GLIS3: variants seen among roughly 807,000 people sequenced by gnomAD.
The protein encoded by GLIS3 is zinc finger protein GLIS3.
Under a neutral mutation model 78.6 loss-of-function variants are expected in GLIS3, and 53 were observed. The observed-to-expected ratio is 0.67, with a 90% CI of 0.54 to 0.85. The LOEUF is 0.85. Ranked by LOEUF, GLIS3 falls within the 40% of genes least tolerant of loss-of-function variation. The pLI is 0.00. For missense variants in GLIS3, 1,703 were observed against 1,231.1 expected (o/e 1.38, Z -5.74); for synonymous variants, 684 against 509.9 (o/e 1.34, Z -4.60).
chr9:4,106,576 T>C (rs1197648103), intron 4 of GLIS3, among the ~76,000 whole-genome samples: 3 of 152,220 alleles, frequency 2.0e-5, no homozygotes, highest in Non-Finnish European at 4.4e-5. Context: ...AAAGTGTCCA[T>C]AGAGGCACAT....
At chr9:4,253,724 G>A (rs897350252) in intron 2 of GLIS3, among the ~76,000 whole-genome samples, 20 of 152,174 alleles carry the variant, frequency 1.3e-4, no homozygotes, top group Non-Finnish European at 2.1e-4. Flanking sequence ...TGAAACCCAC[G>A]GCCCTGGTGG....
At chr9:4,321,705 A>T (rs561789897) in intron 2 of GLIS3, among the ~76,000 whole-genome samples, 10 of 141,060 alleles carry the variant, frequency 7.1e-5, no homozygotes, top group Non-Finnish European at 1.0e-4. Context: ...TTTTGTGTTT[A>T]TTTTTATTGG....
At chr9:4,296,318 A>C (rs1816502994) in intron 1 of GLIS3, among the ~76,000 whole-genome samples, 1 of 151,844 alleles carries the variant, frequency 6.6e-6, no homozygotes, top group African/African-American at 2.4e-5. Flanking sequence ...AAAGACCGAG[A>C]ACACTGAGCT....
chr9:3,939,576 G>A (rs1426038584), intron 4 of GLIS3, among the ~76,000 whole-genome samples: 1 of 152,108 alleles, frequency 6.6e-6, no homozygotes, highest in African/African-American at 2.4e-5. Flanking sequence ...CAAGGATAGA[G>A]GAAAATATAG....
intron 3 of GLIS3, among the ~76,000 whole-genome samples, chr9:4,309,252 T>C (rs1412239382): frequency 6.6e-6 from 1 of 152,234 alleles, no homozygotes; most frequent in African/African-American, 2.4e-5. Flanking sequence ...AGGCACTCAA[T>C]AGTCTGTTAA....
At chr9:3,895,788 A>G (rs1822786715) in intron 7 of GLIS3, among the ~76,000 whole-genome samples, 2 of 152,208 alleles carry the variant, frequency 1.3e-5, no homozygotes, top group Admixed American at 1.3e-4. Context: ...TTGCAAAACT[A>G]TGACTTCTTC....
At chr9:4,480,538 G>A in the GLIS3 span, among the ~76,000 whole-genome samples, 2 of 151,966 alleles carry the variant, frequency 1.3e-5, no homozygotes, top group African/African-American at 4.8e-5. Flanking sequence ...GGAGGAATAT[G>A]GCATATTCTT....
intron 4 of GLIS3, among the ~76,000 whole-genome samples, chr9:3,972,856 T>C (rs1336842220): frequency 1.3e-5 from 2 of 152,196 alleles, no homozygotes; most frequent in African/African-American, 4.8e-5. Flanking sequence ...TGCATTGTAA[T>C]ACTTCTTCCC....
chr9:4,194,284 T>G (rs544629715), intron 2 of GLIS3, among the ~76,000 whole-genome samples: 20 of 152,228 alleles, frequency 1.3e-4, no homozygotes, highest in African/African-American at 4.3e-4. Context: ...GGTCTCAAAC[T>G]CCTGAGCTCA....
At chr9:4,431,529 G>A in the GLIS3 span, among the ~76,000 whole-genome samples, 1 of 152,138 alleles carries the variant, frequency 6.6e-6, no homozygotes, top group African/African-American at 2.4e-5. Context: ...TTAGTCCAGA[G>A]GCTGGCAAAT....
intron 2 of GLIS3, among the ~76,000 whole-genome samples, chr9:4,319,330 G>C (rs1379329970): frequency 1.3e-5 from 2 of 152,160 alleles, no homozygotes; most frequent in Non-Finnish European, 2.9e-5. Context: ...AAATGATCCA[G>C]ATGGGGGAGC....
chr9:4,161,474 T>A (rs1237734047), intron 2 of GLIS3, among the ~76,000 whole-genome samples: 1 of 152,098 alleles, frequency 6.6e-6, no homozygotes, highest in Non-Finnish European at 1.5e-5. Context: ...CACCCCTTCG[T>A]GGATGCATTG....
intron 4 of GLIS3, among the ~76,000 whole-genome samples, chr9:3,949,878 A>G (rs958978178): frequency 6.6e-6 from 1 of 152,242 alleles, no homozygotes; most frequent in African/African-American, 2.4e-5. Context: ...GCGTCATATC[A>G]GAAGACACAT....
chr9:4,124,841 A>C (rs1429729914), intron 3 of GLIS3, among the ~76,000 whole-genome samples: 1 of 152,224 alleles, frequency 6.6e-6, no homozygotes, highest in Non-Finnish European at 1.5e-5. Context: ...TTCCTTTGCA[A>C]GACCATAGTT....
the GLIS3 span, among the ~76,000 whole-genome samples, chr9:4,402,429 A>G: frequency 3.3e-5 from 5 of 152,242 alleles, no homozygotes; most frequent in Non-Finnish European, 7.3e-5. Context: ...ATGAACATCT[A>G]CAAGCATCAA....
the GLIS3 span, among the ~76,000 whole-genome samples, chr9:4,449,085 C>T: frequency 1.1e-3 from 169 of 152,268 alleles, 1 homozygote; most frequent in Middle Eastern, 3.4e-3. Flanking sequence ...CTGTGACAGA[C>T]GGCACCTGGA....
intron 4 of GLIS3, among the ~76,000 whole-genome samples, chr9:4,062,256 A>G (rs1302580449): frequency 2.0e-5 from 3 of 152,234 alleles, no homozygotes; most frequent in Non-Finnish European, 4.4e-5. Flanking sequence ...TTCATAATGA[A>G]AATCTTCATG....
At position 3,843,131 on chromosome 9, in the gene GLIS3, C is replaced by G. The variant is rs186019978; in HGVS notation, c.2473+12878G>C. 8.0e-3 allele frequency among the ~76,000 whole-genome samples: 1,221 copies of G among 152,354 alleles called. 11 individuals carry two copies. The highest frequency in any genetic ancestry group is 0.014 in the Middle Eastern group (4 of 294). On this transcript the variant is annotated intron_variant, in intron 9 of 10. Coordinates refer to ENST00000381971, the MANE Select transcript of GLIS3 (RefSeq NM_001042413.2). ...TCTTGTTCTCACTGTTGGTCCCATA[C>G]TGATCTTGTGGCTTAGACTTCTGTT...
At chr9:3,979,758 G>A (rs1180602892) in intron 4 of GLIS3, among the ~76,000 whole-genome samples, 1 of 152,130 alleles carries the variant, frequency 6.6e-6, no homozygotes, top group Non-Finnish European at 1.5e-5. Flanking sequence ...CTCTACTTAT[G>A]TGCCATTCAT....
Sources: allele counts gnomAD v4.1 joint callset (sites outside exome capture counted in the v4.1 genomes callset), GRCh38; gene constraint gnomAD v4.1.1; transcripts MANE v1.5; gene names NCBI Gene and HGNC (gene_info 2026-07-23, HGNC 2026-07-21).